PAQR3: variants seen among roughly 807,000 people sequenced by gnomAD.
PAQR3 encodes the protein progestin and adipoQ receptor family member 3, also known as Raf kinase trapping to Golgi.
In PAQR3, 39 loss-of-function variants were observed where a neutral mutation model predicts 41.7. The ratio of observed to expected loss-of-function variants is 0.93; its 90% confidence interval spans 0.72 to 1.22. PAQR3 has a LOEUF of 1.22. PAQR3 is among the 50% of genes most tolerant of loss of function. The pLI is 0.00. For missense variants in PAQR3, 366 were observed against 385.6 expected, an observed-to-expected ratio of 0.95 and a Z score of 0.42; for synonymous variants, 140 against 140.6, an observed-to-expected ratio of 1.00 and a Z score of 0.03.
intron 11 of PAQR3, among the ~76,000 whole-genome samples, chr4:78,901,257 T>G (rs1346695753): frequency 6.7e-6 from 1 of 149,584 alleles, no homozygotes; most frequent in Non-Finnish European, 1.5e-5. Context: ...GACTAGGTCT[T>G]ACTATGTTGC....
chr4:78,929,700 T>A (rs1736624002), intron 3 of PAQR3, among the ~76,000 whole-genome samples: 1 of 152,170 alleles, frequency 6.6e-6, no homozygotes. Flanking sequence ...GAAAACATAT[T>A]TTACAGAAGA....
At chr4:78,910,603 C>T, downstream of PAQR3, 1 of 1,511,782 alleles carries the variant, frequency 6.6e-7, no homozygotes, top group Non-Finnish European at 8.8e-7. Context: ...TTTATTTGAA[C>T]TTGCAGGTTC....
downstream of PAQR3, chr4:78,910,685 A>G (rs370754362): frequency 6.2e-7 from 1 of 1,609,020 alleles, no homozygotes. Flanking sequence ...AAGAACGGTA[A>G]AACAAGTCCA....
At chr4:78,904,767 C>T (rs1734202691) in intron 11 of PAQR3, among the ~76,000 whole-genome samples, 1 of 151,842 alleles carries the variant, frequency 6.6e-6, no homozygotes, top group South Asian at 2.1e-4. Context: ...AGACGTATAC[C>T]TTCATTTAAG....
chr4:78,921,321 T>G (rs1384217079), intron 5 of PAQR3, among the ~76,000 whole-genome samples: 1 of 151,962 alleles, frequency 6.6e-6, no homozygotes, highest in Non-Finnish European at 1.5e-5. Context: ...TACGGAAAAC[T>G]TCTTGATCTC....
At chr4:78,905,298 T>C (rs1734231520) in intron 11 of PAQR3, among the ~76,000 whole-genome samples, 1 of 151,882 alleles carries the variant, frequency 6.6e-6, no homozygotes, top group Non-Finnish European at 1.5e-5. Flanking sequence ...ATAAAAAAGC[T>C]AAAATTTTTA....
In PAQR3 at chr4:78,915,607, G is replaced by C. The variant is rs184964298; in HGVS notation, c.*4932C>G. On this transcript the variant is annotated 3_prime_UTR_variant, in exon 6 of 6. Coordinates refer to ENST00000512733, the MANE Select transcript of PAQR3 (RefSeq NM_001040202.2). Reference sequence around the variant, plus strand: ...TTATTTGAGAACTTTTATACTCAGTGGTGTTTTATATATTAAGATAAAAAT... The same window carrying C: ...TTATTTGAGAACTTTTATACTCAGTCGTGTTTTATATATTAAGATAAAAAT... 1 of 151,792 alleles carries C rather than the reference G, an allele frequency of 6.6e-6. No individual in the cohort carries two copies. Among genetic ancestry groups the C allele is most frequent in the Admixed American group, 6.6e-5 (1 of 15,212 alleles). The allele number at this position is 151,792 out of a possible 1,614,324, so 9.4% of individuals were successfully genotyped here.
chr4:78,894,319 G>A (rs1733589452), intron 11 of PAQR3, among the ~76,000 whole-genome samples: 1 of 152,190 alleles, frequency 6.6e-6, no homozygotes, highest in Non-Finnish European at 1.5e-5. Context: ...TCTTCCAATA[G>A]AAGGCTGTTT....
intron 11 of PAQR3, among the ~76,000 whole-genome samples, chr4:78,894,867 T>C (rs1250819265): frequency 6.6e-6 from 1 of 152,162 alleles, no homozygotes; most frequent in African/African-American, 2.4e-5. Context: ...TTAGAGGCCA[T>C]TGTGGGGTTA....
chr4:78,894,352 T>C (rs560268494), intron 11 of PAQR3, among the ~76,000 whole-genome samples: 129 of 152,336 alleles, frequency 8.5e-4, no homozygotes, highest in African/African-American at 2.9e-3. Flanking sequence ...ATCTGTTGTT[T>C]AGTGTAGCCA....
At chr4:78,929,023 T>G (rs377146827) in intron 3 of PAQR3, among the ~76,000 whole-genome samples, 27 of 152,316 alleles carry the variant, frequency 1.8e-4, no homozygotes, top group African/African-American at 6.3e-4. Flanking sequence ...GAGGCAGAGC[T>G]CAGGTGGTAA....
chr4:78,920,719 A>C, intron 5 of PAQR3, 38 bp from the exon 6 acceptor site: 1 of 1,578,280 alleles, frequency 6.3e-7, no homozygotes, highest in Non-Finnish European at 8.6e-7. Flanking sequence ...AATGATTTCA[A>C]TATGTTGACA....
At chr4:78,896,142 TG>T (rs532957471) in intron 11 of PAQR3, among the ~76,000 whole-genome samples, 279 of 152,304 alleles carry the variant, frequency 1.8e-3, no homozygotes, top group African/African-American at 6.5e-3. Flanking sequence ...CTAACTTTTT[TG>T]CAGCCAAGAT....
Position 78,936,911 on chromosome 4 carries a change from G to A in PAQR3, c.186-1628C>T, listed in dbSNP as rs1401110373. On this transcript the variant is annotated intron_variant, in intron 1 of 5. Coordinates refer to ENST00000512733, the MANE Select transcript of PAQR3 (RefSeq NM_001040202.2). Reference sequence around the variant, plus strand: ...AAATCTGTCCCCGTCACTCCTGAAAGCCAAAAGGAGAGAGGGCAAAGGCTA... The same window carrying A: ...AAATCTGTCCCCGTCACTCCTGAAAACCAAAAGGAGAGAGGGCAAAGGCTA... Among the ~76,000 whole-genome samples, 3 of 152,006 alleles carry A rather than the reference G, an allele frequency of 2.0e-5. No homozygotes were observed. The South Asian group carries it at 6.2e-4, about 32-fold the overall frequency.
rs1577991873 is a variant in PAQR3, at chr4:78,912,847, T to G, written c.*7692A>C. 1 of 152,088 alleles carries G rather than the reference T, an allele frequency of 6.6e-6. No homozygotes were observed. The highest frequency in any genetic ancestry group is 1.5e-5 in the Non-Finnish European group (1 of 67,988). 9.4% of individuals were successfully genotyped at this position (152,088 alleles called of 1,614,324 possible). A position where few individuals can be genotyped will look rare whatever the true frequency, so the allele number is the denominator to read the frequency against. ...ATATCTGACATTTGTAAAGAAATTA[T>G]AAGAAGAAAAAAAGATACAGAACAG... On this transcript the variant is annotated 3_prime_UTR_variant, in exon 6 of 6. Transcript: ENST00000512733.
downstream of PAQR3, chr4:78,911,631 C>CTGAG: frequency 1.9e-6 from 3 of 1,614,026 alleles, no homozygotes; most frequent in African/African-American, 1.3e-5. Context: ...GCCGCCGAGA[C>CTGAG]TCTCAAAGTA....
At chr4:78,929,520 G>T (rs376379172) in intron 3 of PAQR3, among the ~76,000 whole-genome samples, 2 of 152,306 alleles carry the variant, frequency 1.3e-5, no homozygotes, top group African/African-American at 4.8e-5. Context: ...TGATTACAGT[G>T]TTGCAAATGC....
downstream of PAQR3, chr4:78,911,335 G>A: frequency 1.2e-6 from 2 of 1,613,954 alleles, no homozygotes; most frequent in South Asian, 1.1e-5. Context: ...CAAAAGTGTA[G>A]ATGTATTTGG....
downstream of PAQR3, chr4:78,911,649 A>C (rs1292141769): frequency 1.2e-6 from 2 of 1,613,826 alleles, no homozygotes; most frequent in African/African-American, 1.3e-5. Context: ...GTAGCAATGA[A>C]TTTTTAACCA....
Sources: allele counts gnomAD v4.1 joint callset (sites outside exome capture counted in the v4.1 genomes callset), GRCh38; gene constraint gnomAD v4.1.1; transcripts MANE v1.5; gene names NCBI Gene and HGNC (gene_info 2026-07-23, HGNC 2026-07-21).